PRKG1: variants seen among roughly 807,000 people sequenced by gnomAD.
PRKG1 encodes cGMP-dependent protein kinase 1.
PRKG1 carries 35 observed loss-of-function variants against 88.1 expected under a neutral mutation model. That is an observed-to-expected ratio of 0.40 (90% CI 0.30 to 0.53). The LOEUF is 0.53. PRKG1 is among the 20% of genes least tolerant of loss of function. The pLI, the probability that PRKG1 is intolerant of heterozygous loss-of-function variation, is 0.59. For missense variants in PRKG1, 540 were observed against 839.8 expected (o/e 0.64, Z 4.41); for synonymous variants, 303 against 292.5 (o/e 1.04, Z -0.37).
At chr10:51,051,765 C>T (rs1843564833) in intron 1 of PRKG1, among the ~76,000 whole-genome samples, 1 of 152,116 alleles carries the variant, frequency 6.6e-6, no homozygotes, top group Admixed American at 6.6e-5. Context: ...CCTGCTATCA[C>T]CTAGCGACAT....
rs561041595 is a variant in PRKG1, at chr10:52,257,569, G to A, written c.1173+5903G>A. On this transcript the variant is annotated intron_variant, in intron 10 of 17. Transcript: ENST00000373980. ...TACCCACGGTGATTTATGCTACATC[G>A]GACACCTGGGGAAACCCTGCTGCCC... 5.0e-5 allele frequency among the ~76,000 whole-genome samples: 7 copies of A among 139,424 alleles called. 2 individuals carry two copies. In the South Asian group the frequency reaches 1.6e-3, roughly 32 times the overall value. The allele number at this position is 139,424 out of a possible 152,430, so 91.5% of individuals were successfully genotyped here. A position where few individuals can be genotyped will look rare whatever the true frequency, so the allele number is the denominator to read the frequency against.
chr10:51,886,593 C>G (rs538971347), intron 4 of PRKG1, among the ~76,000 whole-genome samples: 1 of 152,262 alleles, frequency 6.6e-6, no homozygotes, highest in African/African-American at 2.4e-5. Flanking sequence ...TTGTCTGCTT[C>G]TATTTGGGTG....
intron 4 of PRKG1, among the ~76,000 whole-genome samples, chr10:51,859,353 CT>C (rs202084201): frequency 0.012 from 1,695 of 142,952 alleles, 31 homozygotes; most frequent in Admixed American, 0.031. Flanking sequence ...CTTTTTCTTT[CT>C]TTTTTTTTTT....
At chr10:51,550,368 T>C (rs1424059793) in intron 3 of PRKG1, among the ~76,000 whole-genome samples, 1 of 152,056 alleles carries the variant, frequency 6.6e-6, no homozygotes, top group African/African-American at 2.4e-5. Flanking sequence ...TCTTTTGCTG[T>C]CTTCTTTTTT....
At position 51,698,610 on chromosome 10, in the gene PRKG1, T is replaced by A. The variant is rs931222996; in HGVS notation, c.593-105975T>A. 3.1e-6 allele frequency: 5 copies of A among 1,613,792 alleles called. No homozygotes were observed. In the Admixed American group the frequency reaches 5.0e-5, roughly 16 times the overall value. On this transcript the variant is annotated intron_variant, in intron 3 of 17. Coordinates refer to ENST00000373980, the MANE Select transcript of PRKG1 (RefSeq NM_006258.4). ...CCAGGAGTCACGGGTCCGCGAGGTATAGGAGCTCTAGGATCTGACATCTGC... is the reference window on the plus strand; with the variant it reads ...CCAGGAGTCACGGGTCCGCGAGGTAAAGGAGCTCTAGGATCTGACATCTGC...
intron 9 of PRKG1, among the ~76,000 whole-genome samples, chr10:52,183,352 G>A (rs886727279): frequency 6.6e-6 from 1 of 152,204 alleles, no homozygotes; most frequent in Non-Finnish European, 1.5e-5. Context: ...CAGGACCTGG[G>A]CGTGAGTATG....
At position 51,477,006 on chromosome 10, in the gene PRKG1, A is replaced by G. The variant is rs75549254; in HGVS notation, c.592+9170A>G. ...TGCATAGGTGAGGCAACTGAGTTTT[A>G]AGGAGCTTAAGAAACTTCCTTAAGG... On this transcript the variant is annotated intron_variant, in intron 3 of 17. Coordinates refer to ENST00000373980, the MANE Select transcript of PRKG1 (RefSeq NM_006258.4). Among the ~76,000 whole-genome samples the G allele has an allele frequency of 9.2e-3, 1,392 of 152,022 alleles. 24 individuals are homozygous for G. The highest frequency in any genetic ancestry group is 0.032 in the African/African-American group (1,321 of 41,462).
chr10:51,021,061 T>C (rs967332251), intron 1 of PRKG1, among the ~76,000 whole-genome samples: 5 of 152,178 alleles, frequency 3.3e-5, no homozygotes, highest in Non-Finnish European at 7.4e-5. Context: ...TGTATGTTTA[T>C]GTAAGTTAAA....
intron 2 of PRKG1, chr10:51,302,952 G>A (rs1350827962): frequency 6.6e-6 from 1 of 152,170 alleles, no homozygotes; most frequent in Non-Finnish European, 1.5e-5. Context: ...GTGCGGTGGA[G>A]CTTCTTGCAA....
intron 4 of PRKG1, among the ~76,000 whole-genome samples, chr10:51,840,503 T>C (rs934531600): frequency 1.3e-4 from 20 of 150,966 alleles, no homozygotes; most frequent in Non-Finnish European, 2.4e-4. Flanking sequence ...CCTATGTCTT[T>C]ATTGAACCCT....
At chr10:52,200,861 A>G (rs1839646308) in intron 9 of PRKG1, among the ~76,000 whole-genome samples, 1 of 152,042 alleles carries the variant, frequency 6.6e-6, no homozygotes, top group Admixed American at 6.6e-5. Flanking sequence ...GTCTCTTTTG[A>G]AAAGTATCTG....
intron 3 of PRKG1, among the ~76,000 whole-genome samples, chr10:51,760,225 T>C (rs1435134216): frequency 6.6e-6 from 1 of 152,246 alleles, no homozygotes; most frequent in Non-Finnish European, 1.5e-5. Context: ...ATTATTGTCT[T>C]GGTACGTTAA....
At chr10:52,123,159 A>G (rs1349506015) in intron 7 of PRKG1, among the ~76,000 whole-genome samples, 1 of 152,214 alleles carries the variant, frequency 6.6e-6, no homozygotes, top group East Asian at 1.9e-4. Context: ...TAAAAAATTC[A>G]TTATGCTATC....
chr10:51,257,276 AT>A (rs1407389832), intron 2 of PRKG1, among the ~76,000 whole-genome samples: 1 of 152,060 alleles, frequency 6.6e-6, no homozygotes, highest in East Asian at 1.9e-4. Flanking sequence ...AGACGTGCAA[AT>A]GCATTTTAAG....
intron 3 of PRKG1, among the ~76,000 whole-genome samples, chr10:51,700,722 T>C (rs769113895): frequency 6.6e-6 from 1 of 152,200 alleles, no homozygotes; most frequent in Admixed American, 6.5e-5. Context: ...CTTACGTGTA[T>C]TGAATATATG....
At chr10:51,972,751 AAG>A (rs1843739908) in intron 5 of PRKG1, among the ~76,000 whole-genome samples, 2 of 152,326 alleles carry the variant, frequency 1.3e-5, no homozygotes, top group South Asian at 4.1e-4. Flanking sequence ...CAAACAGTTA[AAG>A]CTATTTCTCA....
chr10:52,039,832 C>T (rs1845711902), intron 5 of PRKG1, among the ~76,000 whole-genome samples: 1 of 152,128 alleles, frequency 6.6e-6, no homozygotes, highest in Admixed American at 6.6e-5. Context: ...CCTTTGTCTC[C>T]TAATTTTTGA....
intron 5 of PRKG1, among the ~76,000 whole-genome samples, chr10:51,988,468 A>G (rs892931906): frequency 3.9e-5 from 6 of 152,076 alleles, no homozygotes; most frequent in Admixed American, 3.9e-4. Flanking sequence ...TCAAAATAAG[A>G]GTCCTCACCA....
At chr10:51,159,976 T>C (rs190615861) in intron 2 of PRKG1, among the ~76,000 whole-genome samples, 44 of 152,252 alleles carry the variant, frequency 2.9e-4, no homozygotes, top group Middle Eastern at 6.8e-3. Context: ...GCAAGAACCT[T>C]ATCTCCTGAG....
Sources: gnomAD v4.1 joint callset for allele counts (sites outside exome capture counted in the v4.1 genomes callset) on GRCh38, gnomAD v4.1.1 for gene constraint, MANE v1.5 for transcripts, NCBI Gene and HGNC (gene_info 2026-07-23, HGNC 2026-07-21) for gene names.